The following DMD variants were observed in gnomAD, a reference collection of about 807,000 sequenced individuals.
The protein encoded by DMD is mutant dystrophin.
DMD carries 63 observed loss-of-function variants against 330.1 expected under a neutral mutation model. The observed-to-expected ratio is 0.19, with a 90% confidence interval of 0.16 to 0.24. DMD has a LOEUF of 0.24. DMD is among the 10% of genes least tolerant of loss of function. The pLI is 1.00. For missense variants in DMD, 3,344 were observed against 2,684.1 expected (o/e 1.25, Z -5.43); for synonymous variants, 1,223 against 959.8 (o/e 1.27, Z -5.07).
chrX:32,406,619 C>A (rs185432028), intron 30 of DMD, among the ~76,000 whole-genome samples: 1 of 111,005 alleles, frequency 9.0e-6, no homozygotes. Context: ...GGTCATGGTG[C>A]ATAAGCTTTT....
At chrX:32,996,585 G>C (rs949805531) in intron 2 of DMD, among the ~76,000 whole-genome samples, 1 of 111,740 alleles carries the variant, frequency 8.9e-6, no homozygotes, top group African/African-American at 3.3e-5. Flanking sequence ...CACTTTGGGA[G>C]GCAGAGGCGG....
chrX:32,842,548 C>T (rs1423299282), intron 4 of DMD, among the ~76,000 whole-genome samples: 2 of 111,420 alleles, frequency 1.8e-5, no homozygotes, highest in African/African-American at 6.5e-5. Flanking sequence ...CCCCCCCATA[C>T]ACCCTTTCAT....
chrX:32,722,341 T>A (rs1179346543), intron 7 of DMD, among the ~76,000 whole-genome samples: 3 of 110,961 alleles, frequency 2.7e-5, no homozygotes, highest in Admixed American at 9.7e-5. Flanking sequence ...TGGTAACAAC[T>A]ATTTCTATAG....
chrX:32,698,056 C>A lies in DMD; in HGVS notation c.832-58G>T, dbSNP rs1242193681. The A allele has an allele frequency of 3.6e-5, 40 of 1,107,848 alleles. No homozygotes were observed. The East Asian group carries it at 9.9e-4, about 27-fold the overall frequency. The allele number at this position is 1,107,848 out of a possible 1,213,427, so 91.3% of individuals were successfully genotyped here. A position where few individuals can be genotyped will look rare whatever the true frequency, so the allele number is the denominator to read the frequency against. On this transcript the variant is annotated intron_variant, in intron 8 of 78. Coordinates refer to ENST00000357033, the MANE Select transcript of DMD (RefSeq NM_004006.3). ...AGGAGGGGGAAAAACCATAAGTAAC[C>A]CGAAAGGACTACTTTCCAACATGGT... is the stretch of plus-strand genomic sequence containing the variant.
intron 17 of DMD, among the ~76,000 whole-genome samples, chrX:32,518,867 C>G (rs1225825643): frequency 2.7e-5 from 3 of 110,094 alleles, no homozygotes; most frequent in Non-Finnish European, 5.7e-5. Flanking sequence ...AAAAGAAATA[C>G]CCAAAGGGCA....
At chrX:31,864,052 C>G (rs2093756515) in intron 48 of DMD, among the ~76,000 whole-genome samples, 1 of 110,825 alleles carries the variant, frequency 9.0e-6, no homozygotes, top group African/African-American at 3.3e-5. Flanking sequence ...TACTATAAAC[C>G]CTTTTAAAAT....
At chrX:32,176,550 CATTTT>C (rs2096907157) in intron 44 of DMD, among the ~76,000 whole-genome samples, 1 of 111,798 alleles carries the variant, frequency 8.9e-6, no homozygotes, top group Admixed American at 9.5e-5. Context: ...ATTATTATAT[CATTTT>C]ATTAAAATGT....
chrX:32,330,357 T>C (rs781707046), intron 41 of DMD, among the ~76,000 whole-genome samples: 5 of 112,291 alleles, frequency 4.5e-5, no homozygotes, highest in African/African-American at 9.7e-5. Context: ...TACACTTGAA[T>C]AGATTTTATT....
chrX:31,412,958 T>A (rs1179784355), intron 60 of DMD, among the ~76,000 whole-genome samples: 1 of 111,989 alleles, frequency 8.9e-6, no homozygotes, highest in East Asian at 2.8e-4. Flanking sequence ...CCCAGATGCA[T>A]GAAGAAGCTG....
intron 43 of DMD, among the ~76,000 whole-genome samples, chrX:32,286,096 A>ATTTT (rs1312528285): frequency 9.0e-6 from 1 of 110,845 alleles, no homozygotes; most frequent in Non-Finnish European, 1.9e-5. Flanking sequence ...TTGAACACCC[A>ATTTT]CTTTGTGCTC....
intron 7 of DMD, among the ~76,000 whole-genome samples, chrX:32,735,417 T>C (rs1365390815): frequency 1.8e-5 from 2 of 110,643 alleles, no homozygotes; most frequent in African/African-American, 6.6e-5. Context: ...AAAAACTACT[T>C]TAAAGTTGAT....
At chrX:32,234,208 T>A (rs1334948446) in intron 43 of DMD, among the ~76,000 whole-genome samples, 1 of 111,140 alleles carries the variant, frequency 9.0e-6, no homozygotes, top group African/African-American at 3.3e-5. Flanking sequence ...GAAAGGAAGG[T>A]TTTAGTTATG....
In DMD at chrX:32,715,443, C is replaced by T. The variant is rs192851981; in HGVS notation, c.650-16150G>A. ...AGTGAGCCGAGATTGTGCCACTGCA[C>T]ATCAGCCTGGTGACAGAGATTCCAT... On this transcript the variant is annotated intron_variant, in intron 7 of 78. Transcript: ENST00000357033. Among the ~76,000 whole-genome samples, 237 of 75,901 alleles carry T rather than the reference C, an allele frequency of 3.1e-3. 5 individuals carry two copies. The Admixed American group carries it at 0.038, about 12-fold the overall frequency. 65.9% of individuals were successfully genotyped at this position (75,901 alleles called of 115,157 possible). A position where few individuals can be genotyped will look rare whatever the true frequency, so the allele number is the denominator to read the frequency against.
chrX:33,059,038 T>C (rs1359163115), intron 1 of DMD, among the ~76,000 whole-genome samples: 1 of 112,102 alleles, frequency 8.9e-6, no homozygotes, highest in Non-Finnish European at 1.9e-5. Flanking sequence ...TCACTGTTAT[T>C]AGTGTATTAT....
chrX:33,150,485 G>A (rs1476002101), intron 1 of DMD, among the ~76,000 whole-genome samples: 1 of 108,991 alleles, frequency 9.2e-6, no homozygotes, highest in Admixed American at 1.0e-4. Flanking sequence ...GTAGAGTTGG[G>A]GTTTCGCCAT....
At chrX:32,265,789 T>G (rs757723397) in intron 43 of DMD, among the ~76,000 whole-genome samples, 2 of 112,406 alleles carry the variant, frequency 1.8e-5, no homozygotes, top group South Asian at 7.3e-4. Flanking sequence ...TTGGGCCAAT[T>G]TCTCCCATCT....
chrX:32,956,456 T>C (rs2091590148), intron 2 of DMD, among the ~76,000 whole-genome samples: 1 of 111,539 alleles, frequency 9.0e-6, no homozygotes, highest in Non-Finnish European at 1.9e-5. Flanking sequence ...CATTACTGAT[T>C]TCTCCCTGTT....
At chrX:31,482,229 GTGT>G (rs1281151849) in intron 57 of DMD, among the ~76,000 whole-genome samples, 8 of 95,221 alleles carry the variant, frequency 8.4e-5, no homozygotes, top group African/African-American at 4.0e-4. Flanking sequence ...GTGTGTGTGT[GTGT>G]GTGTGGGGGG....
intron 2 of DMD, among the ~76,000 whole-genome samples, chrX:32,940,685 C>T (rs1195212329): frequency 9.0e-6 from 1 of 111,640 alleles, no homozygotes; most frequent in Non-Finnish European, 1.9e-5. Context: ...TGTAAGACCT[C>T]AAACTAGAAG....
Sources: allele counts gnomAD v4.1 joint callset (sites outside exome capture counted in the v4.1 genomes callset), GRCh38; gene constraint gnomAD v4.1.1; transcripts MANE v1.5; gene names NCBI Gene and HGNC (gene_info 2026-07-23, HGNC 2026-07-21).